RHOXF1: variants seen among roughly 807,000 people sequenced by gnomAD.
RHOXF1 encodes the protein PEPP subfamily gene 1.
RHOXF1 carries 1 observed loss-of-function variant against 9.7 expected under a neutral mutation model. The observed-to-expected ratio is 0.10, with a 90% CI of 0.04 to 0.49. The LOEUF (loss-of-function observed/expected upper bound fraction) is 0.49, where lower values mean the gene tolerates loss of function less well. Ranked by LOEUF, RHOXF1 falls within the 20% of genes least tolerant of loss-of-function variation. RHOXF1 has a pLI of 0.95. For synonymous variants in RHOXF1, 72 were observed against 70.2 expected, an observed-to-expected ratio of 1.03 and a Z score of -0.13; for missense variants, 179 against 168.0, an observed-to-expected ratio of 1.07 and a Z score of -0.36.
In RHOXF1 at chrX:120,115,819, C is replaced by G. The variant is rs202119409; in HGVS notation, c.44G>C (p.Ser15Thr). The G allele has an allele frequency of 1.4e-4, 172 of 1,194,101 alleles. No homozygotes were observed. The highest frequency in any genetic ancestry group is 2.5e-4 in the Middle Eastern group (1 of 4,039). ...GGGGCTTATTTTTACCTGGTATACACTCAGGCAGTAGAACACGGTGTCGTG... is the reference window on the plus strand; with the variant it reads ...GGGGCTTATTTTTACCTGGTATACAGTCAGGCAGTAGAACACGGTGTCGTG... ...LVHDTVFYCLSVYQVKISPTP... is the reference protein window; with the variant it reads ...LVHDTVFYCLTVYQVKISPTP... Residue 15 changes from serine to threonine, a missense_variant, in exon 1 of 3, where the codon AGT (serine) becomes ACT (threonine). Physicochemically the swap from Ser to Thr is moderately conservative, Grantham distance 58. Transcript: ENST00000217999.
chrX:120,113,613 C>G (rs1556000155), intron 1 of RHOXF1, among the ~76,000 whole-genome samples: 1 of 107,932 alleles, frequency 9.3e-6, no homozygotes, highest in African/African-American at 3.4e-5. Context: ...ACCACCACAC[C>G]CACATGGCTA....
At chrX:120,114,422 A>G (rs782696837) in intron 1 of RHOXF1, among the ~76,000 whole-genome samples, 1 of 111,435 alleles carries the variant, frequency 9.0e-6, no homozygotes, top group East Asian at 2.8e-4. Flanking sequence ...GAAAAAATAC[A>G]TAACTTGGAC....
chrX:120,114,401 AG>A (rs1191839720), intron 1 of RHOXF1, among the ~76,000 whole-genome samples: 2 of 111,311 alleles, frequency 1.8e-5, no homozygotes, highest in Non-Finnish European at 3.8e-5. Context: ...CCATCATCAC[AG>A]GTAATAAAAG....
chrX:120,109,578 AT>A (rs2057256484), intron 2 of RHOXF1, among the ~76,000 whole-genome samples: 1 of 106,701 alleles, frequency 9.4e-6, no homozygotes, highest in African/African-American at 3.4e-5. Flanking sequence ...TTTATTATTT[AT>A]TTATTTATTT....
At position 120,112,798 on chromosome X, in the gene RHOXF1, A is replaced by G. The variant is rs1556000018; in HGVS notation, c.444+71T>C. On this transcript the variant is annotated intron_variant, in intron 2 of 2. Coordinates refer to ENST00000217999, the MANE Select transcript of RHOXF1 (RefSeq NM_139282.3). ...TTAGAACGTTCAGGACAAAGCCTTC[A>G]AAGCCTTCAATGCCCTGAAGCAGGT... 4.2e-6 allele frequency: 3 copies of G among 713,767 alleles called. No homozygotes were observed. In the African/African-American group the frequency reaches 6.3e-5, roughly 15 times the overall value. 58.8% of individuals were successfully genotyped at this position (713,767 alleles called of 1,213,427 possible). A position where few individuals can be genotyped will look rare whatever the true frequency, so the allele number is the denominator to read the frequency against.
upstream of RHOXF1, chrX:120,116,320 G>A (rs1329038469): frequency 4.1e-5 from 4 of 96,477 alleles, no homozygotes; most frequent in Admixed American, 1.1e-4. Flanking sequence ...ATGGGTCGTG[G>A]GTGGGGGTGG....
At chrX:120,112,472 CACAT>C (rs1866455608) in intron 2 of RHOXF1, among the ~76,000 whole-genome samples, 2 of 2,593 alleles carry the variant, frequency 7.7e-4, no homozygotes, top group Admixed American at 9.3e-3. Flanking sequence ...ATATATAATA[CACAT>C]ATATGTGTTA....
rs148295665 is a variant in RHOXF1, at chrX:120,109,241, T to C, written c.506A>G (p.Asn169Ser). 1.3e-4 allele frequency: 151 copies of C among 1,198,368 alleles called. 1 individual carries two copies. The African/African-American group carries it at 1.4e-3, about 11-fold the overall frequency. The change falls in exon 3 of 3, where the codon AAT (asparagine) becomes AGT (serine). Residue 169 changes from asparagine to serine, a missense_variant. Physicochemically the swap from Asn to Ser is conservative, Grantham distance 46 (BLOSUM62 1). Transcript: ENST00000217999. ...RRHQRELMLA[N>S]ELRADPDDCV... ...GTCGTCTGGGTCAGCACGTAGTTCA[T>C]TGGCGAGCATTAATTCTCTCTGATG...
At chrX:120,112,744 T>C in intron 2 of RHOXF1, 125 bp downstream of exon 2, 1 of 428,756 alleles carries the variant, frequency 2.3e-6, no homozygotes, top group Non-Finnish European at 3.9e-6. Flanking sequence ...TTTGTCAACA[T>C]AAAAAAGACA....
chrX:120,118,043 G>A (rs1178846832), upstream of RHOXF1: 3 of 112,512 alleles, frequency 2.7e-5, no homozygotes, highest in African/African-American at 9.7e-5. Flanking sequence ...CAAGAACGAC[G>A]TCTGGTAGAA....
At position 120,115,659 on chromosome X, in the gene RHOXF1, G is replaced by A. The variant is rs782570327; in HGVS notation, c.204C>T (p.Pro68=). 5.9e-6 allele frequency: 7 copies of A among 1,194,107 alleles called. No individual in the cohort carries two copies. In the East Asian group the frequency reaches 9.0e-5, roughly 15 times the overall value. The change falls in exon 1 of 3, where the codon CCC becomes CCT. Residue 68 remains proline (P), a synonymous_variant. Coordinates refer to ENST00000217999, the MANE Select transcript of RHOXF1 (RefSeq NM_139282.3). ...NGMNRDGGMI[P]EGGGGNQEPR... Reference sequence around the variant, plus strand: ...GCTCCTGGTTTCCACCGCCGCCCTCGGGGATCATGCCGCCATCGCGGTTCA... The same window carrying A: ...GCTCCTGGTTTCCACCGCCGCCCTCAGGGATCATGCCGCCATCGCGGTTCA...
At chrX:120,109,540 T>G (rs1033534540) in intron 2 of RHOXF1, among the ~76,000 whole-genome samples, 8 of 110,566 alleles carry the variant, frequency 7.2e-5, no homozygotes, top group Non-Finnish European at 1.5e-4. Flanking sequence ...ACTTTGTATC[T>G]CTCTTCTCCA....
upstream of RHOXF1, among the ~76,000 whole-genome samples, chrX:120,117,476 T>C (rs2147140977): frequency 9.0e-6 from 1 of 111,726 alleles, no homozygotes; most frequent in Non-Finnish European, 1.9e-5. Flanking sequence ...AATGTTCTTT[T>C]AAAAACTTTC....
chrX:120,114,356 C>T (rs1234548814), intron 1 of RHOXF1, among the ~76,000 whole-genome samples: 1 of 110,546 alleles, frequency 9.0e-6, no homozygotes, highest in Non-Finnish European at 1.9e-5. Flanking sequence ...ACAGATCCCC[C>T]ACTCAACAAA....
upstream of RHOXF1, chrX:120,120,372 A>G (rs2057311645): frequency 8.9e-6 from 1 of 111,887 alleles, no homozygotes; most frequent in Non-Finnish European, 1.9e-5. Context: ...AGAGGATGCA[A>G]TGTGCCACTG....
chrX:120,110,094 C>T (rs2057258751), intron 2 of RHOXF1, among the ~76,000 whole-genome samples: 1 of 111,485 alleles, frequency 9.0e-6, no homozygotes, highest in Non-Finnish European at 1.9e-5. Flanking sequence ...AGAAGTTCGG[C>T]ATGGTAAAAA....
At chrX:120,110,625 GA>G (rs1305548366) in intron 2 of RHOXF1, among the ~76,000 whole-genome samples, 2 of 111,725 alleles carry the variant, frequency 1.8e-5, no homozygotes, top group Non-Finnish European at 3.8e-5. Flanking sequence ...CAATGTGGGG[GA>G]AGGGTCACAA....
chrX:120,116,344 A>G, upstream of RHOXF1: 1 of 95,394 alleles, frequency 1.0e-5, no homozygotes, highest in African/African-American at 4.0e-5. Context: ...TTGAGGGTGG[A>G]GTGGGGTGGC....
intron 1 of RHOXF1, among the ~76,000 whole-genome samples, chrX:120,113,858 G>C (rs782006292): frequency 3.7e-5 from 4 of 108,864 alleles, no homozygotes; most frequent in African/African-American, 1.3e-4. Context: ...TTGGGAGGCC[G>C]AGGCAGGCAA....
Sources: gnomAD v4.1 joint callset for allele counts (sites outside exome capture counted in the v4.1 genomes callset) on GRCh38, gnomAD v4.1.1 for gene constraint, MANE v1.5 for transcripts, NCBI Gene and HGNC (gene_info 2026-07-23, HGNC 2026-07-21) for gene names.